The following PCDHA13 variants were observed in gnomAD, a reference collection of about 807,000 sequenced individuals.
PCDHA13 encodes the protein protocadherin alpha 13.
In PCDHA13, 54 loss-of-function variants were observed where a neutral mutation model predicts 64.8. The ratio of observed to expected loss-of-function variants is 0.83; its 90% CI spans 0.67 to 1.04. The LOEUF is 1.04. Ranked by LOEUF, PCDHA13 falls within the 50% of genes least tolerant of loss-of-function variation. PCDHA13 has a pLI of 0.00. For synonymous variants in PCDHA13, 587 were observed against 564.4 expected, an observed-to-expected ratio of 1.04 and a Z score of -0.57; for missense variants, 1,248 against 1,254.3, an observed-to-expected ratio of 0.99 and a Z score of 0.08.
intron 1 of PCDHA13, among the ~76,000 whole-genome samples, chr5:140,965,292 C>T (rs1305794672): frequency 6.6e-6 from 1 of 152,152 alleles, no homozygotes; most frequent in Non-Finnish European, 1.5e-5. Flanking sequence ...GAAAGATTTC[C>T]TCTGATCCTT....
intron 1 of PCDHA13, among the ~76,000 whole-genome samples, chr5:140,936,092 C>T (rs941947685): frequency 1.3e-5 from 2 of 152,034 alleles, no homozygotes; most frequent in Admixed American, 6.6e-5. Context: ...AGGGTTTCAC[C>T]ATGTTGGCCA....
At chr5:140,976,586 T>C (rs1029704575) in intron 1 of PCDHA13, among the ~76,000 whole-genome samples, 2 of 151,988 alleles carry the variant, frequency 1.3e-5, no homozygotes, top group Non-Finnish European at 2.9e-5. Flanking sequence ...AAACACAGAC[T>C]TTTGTGTTAA....
intron 1 of PCDHA13, chr5:140,927,595 C>A (rs2084392576): frequency 1.2e-6 from 2 of 1,614,038 alleles, no homozygotes; most frequent in South Asian, 2.2e-5. Context: ...TGTATTTGAG[C>A]GCTCCGTATA....
intron 1 of PCDHA13, among the ~76,000 whole-genome samples, chr5:140,915,711 C>T (rs1159509465): frequency 1.3e-5 from 2 of 151,812 alleles, no homozygotes; most frequent in African/African-American, 2.4e-5. Flanking sequence ...CTCCTGTGGC[C>T]CCCACTTTGG....
At chr5:140,941,202 C>CCTTCCTTTCTTT (rs1554213920) in intron 1 of PCDHA13, among the ~76,000 whole-genome samples, 197 of 122,808 alleles carry the variant, frequency 1.6e-3, no homozygotes, top group Admixed American at 2.9e-3. Flanking sequence ...TTTCTTTCTT[C>CCTTCCTTTCTTT]CTTTCTTTCT....
chr5:140,943,476 AAAT>A (rs1167849813), intron 1 of PCDHA13, among the ~76,000 whole-genome samples: 3 of 152,134 alleles, frequency 2.0e-5, no homozygotes, highest in Non-Finnish European at 2.9e-5. Context: ...AGATACAGTA[AAAT>A]AATAAATAGA....
intron 1 of PCDHA13, among the ~76,000 whole-genome samples, chr5:140,947,597 G>A (rs1231530518): frequency 1.3e-5 from 2 of 151,586 alleles, no homozygotes; most frequent in African/African-American, 4.8e-5. Context: ...TCAATTTAGG[G>A]AAGATTTGGT....
In PCDHA13 at chr5:141,012,200, T is replaced by A. The variant is rs2098423248; in HGVS notation, c.*2263T>A. On this transcript the variant is annotated 3_prime_UTR_variant, in exon 4 of 4. Coordinates refer to ENST00000289272, the MANE Select transcript of PCDHA13 (RefSeq NM_018904.3). The stretch of plus-strand genomic sequence containing the variant: ...TAATTATAATGTATCTGTACAGCAC[T>A]TTTTACATTTGCGAAGTGCTTTCCA... 6.5e-6 allele frequency: 1 copy of A among 153,778 alleles called. No homozygotes were observed. The highest frequency in any genetic ancestry group is 1.5e-5 in the Non-Finnish European group (1 of 68,048). 9.5% of individuals were successfully genotyped at this position (153,778 alleles called of 1,614,324 possible). A position where few individuals can be genotyped will look rare whatever the true frequency, so the allele number is the denominator to read the frequency against.
chr5:140,929,065 C>G, intron 1 of PCDHA13: 1 of 1,614,194 alleles, frequency 6.2e-7, no homozygotes. Context: ...TACAGAGGAT[C>G]TGAGGTATGG....
chr5:140,883,760 C>A lies in PCDHA13; in HGVS notation c.1492C>A (p.Arg498=). The A allele has an allele frequency of 6.2e-7, 1 of 1,612,790 alleles. No individual in the cohort carries two copies. Among genetic ancestry groups the A allele is most frequent in the Non-Finnish European group, 8.5e-7 (1 of 1,179,722 alleles). Residue 498 remains arginine (R), a synonymous_variant, in exon 1 of 4, where the codon CGG becomes AGG. Coordinates refer to ENST00000289272, the MANE Select transcript of PCDHA13 (RefSeq NM_018904.3). Reference sequence around the variant, plus strand: ...GGTCTCCTACTCGCTGGTGGAGCGGCGGGTGGGCGAGCGTGCGCTGTCGAG... The same window carrying A: ...GGTCTCCTACTCGCTGGTGGAGCGGAGGGTGGGCGAGCGTGCGCTGTCGAG... ...ALVSYSLVER[R]VGERALSSYV...
intron 1 of PCDHA13, chr5:140,967,813 C>T (rs12153295): frequency 0.14 from 229,585 of 1,614,060 alleles, 17,281 homozygotes; most frequent in Middle Eastern, 0.18. Context: ...CAGGTCACTG[C>T]AAGGTGCTGG....
At chr5:140,888,645 C>A (rs1275572541) in intron 1 of PCDHA13, among the ~76,000 whole-genome samples, 2 of 152,200 alleles carry the variant, frequency 1.3e-5, no homozygotes, top group African/African-American at 4.8e-5. Context: ...GCAATACTTT[C>A]CTGAGGACAC....
At chr5:140,903,675 A>G (rs1554191078) in intron 1 of PCDHA13, among the ~76,000 whole-genome samples, 2 of 152,244 alleles carry the variant, frequency 1.3e-5, no homozygotes, top group Non-Finnish European at 2.9e-5. Flanking sequence ...GATATAAAAG[A>G]TGTTTGGTAA....
intron 3 of PCDHA13, among the ~76,000 whole-genome samples, chr5:141,008,546 A>G (rs2098381708): frequency 6.6e-6 from 1 of 150,382 alleles, no homozygotes; most frequent in Non-Finnish European, 1.5e-5. Flanking sequence ...TTTATTGAAA[A>G]CTCCTGTGGA....
chr5:140,930,084 A>T (rs1350674790), intron 1 of PCDHA13: 2 of 152,142 alleles, frequency 1.3e-5, no homozygotes, highest in Non-Finnish European at 2.9e-5. Flanking sequence ...CTCTCATAAC[A>T]TCTATTTATA....
chr5:140,958,419 A>C (rs1275772647), intron 1 of PCDHA13, among the ~76,000 whole-genome samples: 1 of 152,196 alleles, frequency 6.6e-6, no homozygotes, highest in Non-Finnish European at 1.5e-5. Flanking sequence ...GCTTGGAAAG[A>C]AGCACTTTTT....
At chr5:140,893,655 T>G (rs894439477) in intron 1 of PCDHA13, among the ~76,000 whole-genome samples, 1 of 152,200 alleles carries the variant, frequency 6.6e-6, no homozygotes, top group Non-Finnish European at 1.5e-5. Flanking sequence ...GCTGATAGTT[T>G]TAAAAAATTT....
chr5:140,884,833 C>T (rs1175023363), intron 1 of PCDHA13, 171 bp downstream of exon 1: 1 of 916,514 alleles, frequency 1.1e-6, no homozygotes, highest in Non-Finnish European at 1.5e-6. Flanking sequence ...GTTGGATTAT[C>T]CTTCAGAGTG....
intron 1 of PCDHA13, among the ~76,000 whole-genome samples, chr5:140,939,071 G>C (rs1376380334): frequency 2.0e-5 from 3 of 152,140 alleles, no homozygotes; most frequent in African/African-American, 7.2e-5. Context: ...TATCAAAATA[G>C]CATAAACTGG....
Sources: allele counts gnomAD v4.1 joint callset (sites outside exome capture counted in the v4.1 genomes callset), GRCh38; gene constraint gnomAD v4.1.1; transcripts MANE v1.5; gene names NCBI Gene and HGNC (gene_info 2026-07-23, HGNC 2026-07-21).